The following PTPRO variants were observed in gnomAD, a reference collection of about 807,000 sequenced individuals.
PTPRO encodes the protein receptor-type tyrosine-protein phosphatase O.
A neutral mutation model predicts 145.2 loss-of-function variants in PTPRO; 62 were observed. That is an observed-to-expected ratio of 0.43 (90% CI 0.35 to 0.53). The LOEUF (loss-of-function observed/expected upper bound fraction) is 0.53. Ranked by LOEUF, PTPRO falls within the 20% of genes least tolerant of loss-of-function variation. The pLI, the probability that PTPRO is intolerant of heterozygous loss-of-function variation, is 0.01. For missense variants in PTPRO, 1,345 were observed against 1,482.7 expected (o/e 0.91, Z 1.53); for synonymous variants, 565 against 514.7 (o/e 1.10, Z -1.32).
At chr12:15,423,987 G>A (rs1023896833) in intron 1 of PTPRO, among the ~76,000 whole-genome samples, 3 of 152,160 alleles carry the variant, frequency 2.0e-5, no homozygotes, top group Non-Finnish European at 2.9e-5. Flanking sequence ...AATAAAATTC[G>A]TTAGCCTTTT....
chr12:15,403,807 C>T (rs542029830), intron 1 of PTPRO, among the ~76,000 whole-genome samples: 82 of 151,098 alleles, frequency 5.4e-4, no homozygotes, highest in African/African-American at 1.4e-3. Context: ...ACCTAATCAC[C>T]GAACATAGAA....
chr12:15,377,829 A>G (rs1938733204), intron 1 of PTPRO, among the ~76,000 whole-genome samples: 1 of 152,136 alleles, frequency 6.6e-6, no homozygotes, highest in African/African-American at 2.4e-5. Context: ...TCGGAAACCA[A>G]TAACAGAGGG....
chr12:15,473,853 TG>T (rs1941596963), intron 1 of PTPRO, among the ~76,000 whole-genome samples: 1 of 151,998 alleles, frequency 6.6e-6, no homozygotes, highest in Admixed American at 6.6e-5. Flanking sequence ...TAGTATTTAT[TG>T]AGTTCATAGT....
intron 5 of PTPRO, among the ~76,000 whole-genome samples, chr12:15,503,389 AT>A (rs1470580261): frequency 6.6e-6 from 1 of 152,212 alleles, no homozygotes; most frequent in Non-Finnish European, 1.5e-5. Flanking sequence ...TAAAGGAAAA[AT>A]ATTACCATGA....
chr12:15,367,511 T>A (rs909403595), intron 1 of PTPRO, among the ~76,000 whole-genome samples: 1 of 152,218 alleles, frequency 6.6e-6, no homozygotes, highest in African/African-American at 2.4e-5. Context: ...AATATCTATT[T>A]TTTTCAGACT....
chr12:15,509,162 T>C (rs537679951), intron 7 of PTPRO, among the ~76,000 whole-genome samples: 11 of 152,210 alleles, frequency 7.2e-5, no homozygotes, highest in African/African-American at 2.6e-4. Flanking sequence ...TTAAAATGAA[T>C]GATGAGAGTC....
At chr12:15,426,940 G>A (rs1323173134) in intron 1 of PTPRO, among the ~76,000 whole-genome samples, 1 of 151,946 alleles carries the variant, frequency 6.6e-6, no homozygotes, top group Non-Finnish European at 1.5e-5. Context: ...CTGTTTGGCA[G>A]TCAAAGGGAT....
At chr12:15,513,759 T>C (rs1266912664) in intron 7 of PTPRO, among the ~76,000 whole-genome samples, 1 of 152,168 alleles carries the variant, frequency 6.6e-6, no homozygotes, top group East Asian at 1.9e-4. Context: ...GGCCAAAAAG[T>C]TAATAAGATG....
At chr12:15,360,834 A>ACCCGTGTG (rs1385295381) in intron 1 of PTPRO, among the ~76,000 whole-genome samples, 1 of 143,570 alleles carries the variant, frequency 7.0e-6, no homozygotes, top group Non-Finnish European at 1.5e-5. Context: ...GTGTGTATAT[A>ACCCGTGTG]TATACGTGTG....
At chr12:15,347,099 C>T (rs1186239227) in intron 1 of PTPRO, among the ~76,000 whole-genome samples, 1 of 152,168 alleles carries the variant, frequency 6.6e-6, no homozygotes, top group Non-Finnish European at 1.5e-5. Context: ...TAAGATGATA[C>T]TCCATTCACA....
intron 1 of PTPRO, among the ~76,000 whole-genome samples, chr12:15,371,154 T>C (rs1389204101): frequency 6.6e-6 from 1 of 152,194 alleles, no homozygotes; most frequent in African/African-American, 2.4e-5. Flanking sequence ...TTAGAAAAGA[T>C]GATATCTTGT....
rs189245880 is a variant in PTPRO at position 15,572,314 on chromosome 12, G to C, written c.2829+2816G>C. 2.0e-3 allele frequency among the ~76,000 whole-genome samples: 312 copies of C among 152,274 alleles called. 3 individuals carry two copies. The highest frequency in any genetic ancestry group is 7.3e-3 in the African/African-American group (303 of 41,552). ...TGCATTTTGAGTAAATTTCCCATAA[G>C]TGGAGTAAGTTTTCCCAGTGTTCCT... On this transcript the variant is annotated intron_variant, in intron 19 of 26. Transcript: ENST00000281171.
intron 1 of PTPRO, among the ~76,000 whole-genome samples, chr12:15,376,353 A>C (rs146848066): frequency 1.1e-4 from 16 of 152,314 alleles, no homozygotes; most frequent in African/African-American, 3.1e-4. Flanking sequence ...ATATTCAGCA[A>C]AACTATCTTT....
rs748241677 is a variant in PTPRO at position 15,322,823 on chromosome 12, T to C, written c.75+22T>C. On this transcript the variant is annotated intron_variant, in intron 1 of 26. Coordinates refer to ENST00000281171, the MANE Select transcript of PTPRO (RefSeq NM_030667.3). This position sits in a 1 kb window ranked among gnomAD's most constrained non-coding sequence, Gnocchi z 6.3. ...CAAGGTAGGGGAGCTCCTCCACCCC[T>C]TTTTCCCAGCGGTCCGGGCGGCAGC... is the stretch of plus-strand genomic sequence containing the variant. The C allele has an allele frequency of 1.1e-5, 18 of 1,602,682 alleles. No individual in the cohort carries two copies. Among genetic ancestry groups the C allele is most frequent in the Admixed American group, 1.7e-5 (1 of 59,482 alleles).
intron 1 of PTPRO, among the ~76,000 whole-genome samples, chr12:15,374,361 T>G (rs1244144993): frequency 3.3e-5 from 5 of 152,230 alleles, no homozygotes. Context: ...TTTTCAGAAC[T>G]CTGAAAATTA....
chr12:15,412,168 GA>G (rs55688106), intron 1 of PTPRO, among the ~76,000 whole-genome samples: 20,736 of 152,120 alleles, frequency 0.14, 2,366 homozygotes, highest in African/African-American at 0.31. Context: ...AAAAGCATTT[GA>G]AAAAATGCCT....
intron 1 of PTPRO, among the ~76,000 whole-genome samples, chr12:15,430,039 C>G (rs768034264): frequency 5.3e-5 from 8 of 151,726 alleles, no homozygotes; most frequent in Non-Finnish European, 1.0e-4. Context: ...GATTTAAGAG[C>G]CTTGAGTTTG....
intron 24 of PTPRO, among the ~76,000 whole-genome samples, chr12:15,588,469 G>A (rs1458199257): frequency 3.3e-5 from 5 of 152,184 alleles, no homozygotes; most frequent in Admixed American, 2.6e-4. Context: ...TGGGCAGTTG[G>A]TCAGCGCATG....
intron 1 of PTPRO, among the ~76,000 whole-genome samples, chr12:15,434,643 T>C (rs564375892): frequency 1.3e-5 from 2 of 152,306 alleles, no homozygotes; most frequent in South Asian, 2.1e-4. Context: ...TTAAACATCA[T>C]TTAATTTATG....
Sources: allele counts gnomAD v4.1 joint callset (sites outside exome capture counted in the v4.1 genomes callset), GRCh38; gene constraint gnomAD v4.1.1; non-coding constraint Gnocchi (gnomAD v3.1); transcripts MANE v1.5; gene names NCBI Gene and HGNC (gene_info 2026-07-23, HGNC 2026-07-21).